The following RANBP2 variants were observed in gnomAD, a reference collection of about 807,000 sequenced individuals.
The protein encoded by RANBP2 is E3 SUMO-protein ligase RanBP2.
RANBP2 carries 57 observed loss-of-function variants against 303.6 expected under a neutral mutation model. The ratio of observed to expected loss-of-function variants is 0.19; its 90% CI spans 0.15 to 0.23. The LOEUF (loss-of-function observed/expected upper bound fraction) is 0.23. Ranked by LOEUF, RANBP2 falls within the 10% of genes least tolerant of loss-of-function variation. The pLI, the probability that RANBP2 is intolerant of heterozygous loss-of-function variation, is 1.00. For synonymous variants in RANBP2, 1,167 were observed against 1,301.5 expected (o/e 0.90, Z 2.23); for missense variants, 3,138 against 3,780.8 (o/e 0.83, Z 4.46).
the RANBP2 span, among the ~76,000 whole-genome samples, chr2:109,083,059 C>T: frequency 7.2e-5 from 11 of 152,000 alleles, no homozygotes; most frequent in Non-Finnish European, 1.5e-4. Context: ...ATCTCCTGAC[C>T]ACGTGATCCA....
chr2:109,586,887 T>C, the RANBP2 span, among the ~76,000 whole-genome samples: 1 of 152,174 alleles, frequency 6.6e-6, no homozygotes, highest in African/African-American at 2.4e-5. Flanking sequence ...ATCAATGTGA[T>C]CAGTCAGCAA....
chr2:109,625,304 TG>T, the RANBP2 span, among the ~76,000 whole-genome samples: 1 of 151,704 alleles, frequency 6.6e-6, no homozygotes, highest in Non-Finnish European at 1.5e-5. Flanking sequence ...AGCCAACATA[TG>T]GAGAACAGAT....
At chr2:108,776,491 T>C (rs1307602538) in intron 24 of RANBP2, among the ~76,000 whole-genome samples, 4 of 152,210 alleles carry the variant, frequency 2.6e-5, no homozygotes, top group Non-Finnish European at 5.9e-5. Context: ...TATTGCTTTG[T>C]GTACCTTACC....
At chr2:109,629,340 TA>T in the RANBP2 span, among the ~76,000 whole-genome samples, 65 of 10,540 alleles carry the variant, frequency 6.2e-3, 1 homozygote, top group South Asian at 0.041. Flanking sequence ...TATATATATA[TA>T]TATATATATA....
the RANBP2 span, among the ~76,000 whole-genome samples, chr2:108,987,080 AG>A: frequency 2.6e-5 from 4 of 152,318 alleles, no homozygotes; most frequent in Non-Finnish European, 5.9e-5. Flanking sequence ...AGCCCAGCTG[AG>A]GGGCTGAGCC....
At chr2:109,151,120 G>T in the RANBP2 span, among the ~76,000 whole-genome samples, 1 of 152,210 alleles carries the variant, frequency 6.6e-6, no homozygotes, top group Non-Finnish European at 1.5e-5. Context: ...GGTGAGGGGT[G>T]GTGGTCCTTG....
the RANBP2 span, among the ~76,000 whole-genome samples, chr2:109,275,182 A>G: frequency 6.6e-6 from 1 of 152,192 alleles, no homozygotes; most frequent in Admixed American, 6.5e-5. Context: ...CACAATCATC[A>G]TGAAATGTGG....
rs748616624 is a variant in RANBP2 at position 108,749,018 on chromosome 2, G to A, written c.1162G>A (p.Ala388Thr). 6.2e-7 allele frequency: 1 copy of A among 1,611,874 alleles called. No homozygotes were observed. The highest frequency in any genetic ancestry group is 1.7e-5 in the Admixed American group (1 of 60,004). The stretch of plus-strand genomic sequence containing the variant: ...AAGCGGGCAGTCTGCATTATATGAT[G>A]CTCTGTTTTCTAGTCAGTCACCTAA... ...NKSGQSALYD[A>T]LFSSQSPKDT... The change falls in exon 9 of 29, where the codon GCT becomes ACT. Residue 388 changes from alanine (A) to threonine (T), a missense_variant. Transcript: ENST00000283195.
At chr2:109,626,634 T>C in the RANBP2 span, among the ~76,000 whole-genome samples, 1 of 152,190 alleles carries the variant, frequency 6.6e-6, no homozygotes. Flanking sequence ...CTGTGCAGAC[T>C]GGCCACTCGA....
chr2:109,319,823 C>G, the RANBP2 span, among the ~76,000 whole-genome samples: 13 of 152,218 alleles, frequency 8.5e-5, no homozygotes, highest in African/African-American at 2.9e-4. Flanking sequence ...ACAAAGGCAC[C>G]TCTGTCCCCT....
At chr2:109,227,096 C>A in the RANBP2 span, among the ~76,000 whole-genome samples, 1 of 152,232 alleles carries the variant, frequency 6.6e-6, no homozygotes, top group Admixed American at 6.5e-5. Flanking sequence ...TTTCTGGGGT[C>A]TTTGCTGGAA....
the RANBP2 span, among the ~76,000 whole-genome samples, chr2:109,506,671 A>C: frequency 3.3e-5 from 5 of 152,220 alleles, no homozygotes; most frequent in Admixed American, 2.0e-4. Context: ...ACAGGTAAAG[A>C]AGCTTGATTC....
At chr2:109,112,132 C>A in the RANBP2 span, among the ~76,000 whole-genome samples, 1 of 151,280 alleles carries the variant, frequency 6.6e-6, no homozygotes, top group East Asian at 2.0e-4. Context: ...ATTTATAGTC[C>A]TTTGGGTATA....
chr2:109,636,890 C>T, the RANBP2 span, among the ~76,000 whole-genome samples: 40 of 151,946 alleles, frequency 2.6e-4, no homozygotes, highest in South Asian at 6.2e-4. Flanking sequence ...TCGGGTGGGA[C>T]GAGAGACTGA....
the RANBP2 span, among the ~76,000 whole-genome samples, chr2:109,732,175 T>C: frequency 6.6e-5 from 10 of 152,340 alleles, 1 homozygote; most frequent in African/African-American, 2.2e-4. Flanking sequence ...TATATACTAT[T>C]CTTTATTCCC....
At chr2:109,501,660 G>A in the RANBP2 span, 4 of 764,566 alleles carry the variant, frequency 5.2e-6, no homozygotes, top group Admixed American at 3.5e-5. Flanking sequence ...CAGCTTCGTC[G>A]AGAGCTTCTG....
the RANBP2 span, among the ~76,000 whole-genome samples, chr2:109,297,382 GC>G: frequency 1.3e-5 from 2 of 152,066 alleles, no homozygotes; most frequent in African/African-American, 2.4e-5. Flanking sequence ...GAGAGATTCT[GC>G]CCCCCAGGGG....
the RANBP2 span, among the ~76,000 whole-genome samples, chr2:108,996,519 C>T: frequency 6.6e-6 from 1 of 152,196 alleles, no homozygotes; most frequent in Non-Finnish European, 1.5e-5. Flanking sequence ...ACGGTATGCG[C>T]CATGGACTTC....
At chr2:109,580,533 G>A in the RANBP2 span, among the ~76,000 whole-genome samples, 1 of 152,026 alleles carries the variant, frequency 6.6e-6, no homozygotes. Flanking sequence ...TTCTCTTTGG[G>A]ATTAGGATGA....
Sources: allele counts gnomAD v4.1 joint callset (sites outside exome capture counted in the v4.1 genomes callset), GRCh38; gene constraint gnomAD v4.1.1; transcripts MANE v1.5; gene names NCBI Gene and HGNC (gene_info 2026-07-23, HGNC 2026-07-21).